The following NSUN4 variants were observed in gnomAD, a reference collection of about 807,000 sequenced individuals.
The protein encoded by NSUN4 is NOP2/Sun RNA methyltransferase 4.
In NSUN4, 31 loss-of-function variants were observed where a neutral mutation model predicts 43.8. The observed-to-expected ratio is 0.71, with a 90% CI of 0.53 to 0.96. The LOEUF is 0.96. Among genes scored for constraint, NSUN4 ranks in the 40% least tolerant of loss-of-function variants. NSUN4 has a pLI of 0.00. For missense variants in NSUN4, 439 were observed against 475.6 expected, an observed-to-expected ratio of 0.92 and a Z score of 0.72; for synonymous variants, 167 against 184.1, an observed-to-expected ratio of 0.91 and a Z score of 0.75.
At chr1:46,375,324 A>G in the NSUN4 span, among the ~76,000 whole-genome samples, 1 of 151,746 alleles carries the variant, frequency 6.6e-6, no homozygotes, top group African/African-American at 2.4e-5. Flanking sequence ...AATCCCAGCT[A>G]CTCGGGAAGC....
intron 1 of NSUN4, chr1:46,341,396 GA>G: frequency 2.0e-6 from 2 of 1,004,412 alleles, no homozygotes; most frequent in Non-Finnish European, 2.4e-6. Context: ...CGCCTTGCAG[GA>G]AAGGATTCAG....
the NSUN4 span, among the ~76,000 whole-genome samples, chr1:46,374,156 C>A: frequency 1.3e-5 from 2 of 151,642 alleles, no homozygotes; most frequent in Non-Finnish European, 2.9e-5. Context: ...CGTGGTGACA[C>A]ATGCCTGTAA....
In NSUN4 at chr1:46,347,035, T is replaced by C. The variant is rs369529339; in HGVS notation, c.552T>C (p.Pro184=). ...TCGTGCTTGACCTATGTGCAGCTCC[T>C]GGGGGAAAGACACTAGCGTTGCTTC... ...GDIVLDLCAA[P]GGKTLALLQT... is the part of the protein sequence containing the mutation. The change falls in exon 3 of 6, where the codon CCT becomes CCC. Residue 184 remains proline (P), a synonymous_variant. Transcript: ENST00000474844. 1 of 1,614,046 alleles carries C rather than the reference T, an allele frequency of 6.2e-7. No homozygotes were observed. Among genetic ancestry groups the C allele is most frequent in the Non-Finnish European group, 8.5e-7 (1 of 1,180,016 alleles).
At chr1:46,344,669 C>T in intron 1 of NSUN4, 132 bp from the exon 2 acceptor site, 1 of 733,262 alleles carries the variant, frequency 1.4e-6, no homozygotes, top group Non-Finnish European at 2.3e-6. Context: ...CTCTGGCAGG[C>T]AGGCAGGATG....
rs1238064574 is a variant in NSUN4 at position 46,357,772 on chromosome 1, ATTTCCT to A, written c.754-2928_754-2923del. On this transcript the variant is annotated intron_variant, in intron 4 of 5. Transcript: ENST00000474844. ...TTGCTCATCCCTTTATATTTAGGTC[ATTTCCT>A]TTTAGGTGTATCTCTTATATGCTGC... Among the ~76,000 whole-genome samples, 4 of 151,736 alleles carry A rather than the reference ATTTCCT, an allele frequency of 2.6e-5. No individual in the cohort carries two copies. The East Asian group carries it at 5.8e-4, about 22-fold the overall frequency.
rs1318551140 is a variant in NSUN4 at position 46,344,763 on chromosome 1, G to A, written c.94-38G>A. 1.9e-6 allele frequency: 3 copies of A among 1,575,062 alleles called. No homozygotes were observed. In the Admixed American group the frequency reaches 5.1e-5, roughly 27 times the overall value. On this transcript the variant is annotated intron_variant, in intron 1 of 5. Coordinates refer to ENST00000474844, the MANE Select transcript of NSUN4 (RefSeq NM_199044.4). ...GTCAGGTAGTAGGGGGTAGAGTCAA[G>A]ACTGGGAAAACCAATAAGCCTGTCC...
At chr1:46,356,509 G>A (rs576535841) in intron 4 of NSUN4, among the ~76,000 whole-genome samples, 8 of 152,202 alleles carry the variant, frequency 5.3e-5, no homozygotes, top group Admixed American at 2.6e-4. Context: ...TGGCTAACAC[G>A]GTGAAACCCC....
the NSUN4 span, among the ~76,000 whole-genome samples, chr1:46,371,491 A>T: frequency 6.6e-6 from 1 of 152,044 alleles, no homozygotes; most frequent in Admixed American, 6.5e-5. Context: ...TATTTTTAGT[A>T]GAGACGGGGT....
intron 3 of NSUN4, among the ~76,000 whole-genome samples, chr1:46,347,370 G>A (rs953526943): frequency 6.6e-6 from 1 of 152,116 alleles, no homozygotes; most frequent in Non-Finnish European, 1.5e-5. Context: ...CCCGGGAAGT[G>A]GAGGTTACAA....
At chr1:46,343,634 T>A (rs1255492623) in intron 1 of NSUN4, 3 of 398,436 alleles carry the variant, frequency 7.5e-6, no homozygotes, top group African/African-American at 4.2e-5. Context: ...TGAGCAGAAG[T>A]CCAAGTCAGA....
the NSUN4 span, chr1:46,370,544 C>CTTTTTTTTTTTTT: frequency 7.8e-6 from 1 of 127,616 alleles, no homozygotes. Flanking sequence ...GAGGTGCTGT[C>CTTTTTTTTTTTTT]TTTTTTTTTT....
downstream of NSUN4, among the ~76,000 whole-genome samples, chr1:46,366,755 G>A (rs1306164017): frequency 7.1e-6 from 1 of 140,746 alleles, no homozygotes; most frequent in South Asian, 2.3e-4. Context: ...AGCCCACAGA[G>A]AATAATAATG....
At chr1:46,346,456 G>A (rs1459688008) in intron 2 of NSUN4, among the ~76,000 whole-genome samples, 1 of 150,154 alleles carries the variant, frequency 6.7e-6, no homozygotes, top group African/African-American at 2.5e-5. Flanking sequence ...GGAGGCTGAG[G>A]CAGGAGAATC....
intron 1 of NSUN4, chr1:46,342,069 C>T (rs1662153536): frequency 1.4e-6 from 1 of 716,058 alleles, no homozygotes; most frequent in Non-Finnish European, 1.9e-6. Flanking sequence ...GGGAACTTGC[C>T]TCACGATTTC....
chr1:46,358,628 T>G (rs1007816114), intron 4 of NSUN4, among the ~76,000 whole-genome samples: 3 of 151,414 alleles, frequency 2.0e-5, no homozygotes, highest in African/African-American at 7.3e-5. Flanking sequence ...TCTCGATCTC[T>G]TGACCTTGTG....
At chr1:46,377,038 G>A in the NSUN4 span, among the ~76,000 whole-genome samples, 1 of 150,836 alleles carries the variant, frequency 6.6e-6, no homozygotes, top group Non-Finnish European at 1.5e-5. Context: ...GGTTACAGGT[G>A]CGAGCCACTG....
At chr1:46,350,706 T>A (rs576141794) in intron 3 of NSUN4, among the ~76,000 whole-genome samples, 24 of 151,516 alleles carry the variant, frequency 1.6e-4, no homozygotes, top group African/African-American at 5.8e-4. Context: ...ATTTATCTCT[T>A]ACATAAGAGA....
the NSUN4 span, among the ~76,000 whole-genome samples, chr1:46,375,321 G>C: frequency 2.6e-5 from 4 of 151,832 alleles, no homozygotes; most frequent in African/African-American, 9.7e-5. Flanking sequence ...TGTAATCCCA[G>C]CTACTCGGGA....
chr1:46,378,555 G>A, the NSUN4 span, among the ~76,000 whole-genome samples: 1 of 152,250 alleles, frequency 6.6e-6, no homozygotes, highest in African/African-American at 2.4e-5. Flanking sequence ...TCCACTGACT[G>A]TGTAGCACTG....
Sources: gnomAD v4.1 joint callset for allele counts (sites outside exome capture counted in the v4.1 genomes callset) on GRCh38, gnomAD v4.1.1 for gene constraint, MANE v1.5 for transcripts, NCBI Gene and HGNC (gene_info 2026-07-23, HGNC 2026-07-21) for gene names.